Variants in ATP8A2 observed in about 807,000 individuals in gnomAD.
ATP8A2 encodes the protein phospholipid-transporting ATPase IB.
A neutral mutation model predicts 165.6 loss-of-function variants in ATP8A2; 100 were observed. The ratio of observed to expected loss-of-function variants is 0.60; its 90% CI spans 0.51 to 0.71. The LOEUF is 0.71. Ranked by LOEUF, ATP8A2 falls within the 30% of genes least tolerant of loss-of-function variation. The pLI is 0.00. For synonymous variants in ATP8A2, 543 were observed against 548.8 expected (o/e 0.99, Z 0.15); for missense variants, 1,227 against 1,479.5 (o/e 0.83, Z 2.80).
At chr13:25,653,020 T>C (rs553858254) in intron 24 of ATP8A2, among the ~76,000 whole-genome samples, 12 of 152,336 alleles carry the variant, frequency 7.9e-5, no homozygotes, top group African/African-American at 2.9e-4. Context: ...CATCTTCTGT[T>C]ACAGTGCTCT....
intron 33 of ATP8A2, among the ~76,000 whole-genome samples, chr13:25,940,383 A>G (rs1955038526): frequency 6.6e-6 from 1 of 151,276 alleles, no homozygotes; most frequent in Admixed American, 6.6e-5. Flanking sequence ...TCCTCTCCTC[A>G]CCCCAGGGCC....
rs191673903 is a variant in ATP8A2 at position 25,513,221 on chromosome 13, G to A, written c.222-16778G>A. 5.8e-3 allele frequency among the ~76,000 whole-genome samples: 880 copies of A among 151,362 alleles called. 8 individuals carry two copies. Among genetic ancestry groups the A allele is most frequent in the Middle Eastern group, 0.01 (3 of 288 alleles). ...TCAGACGGTGCGGTTGCCAGGTGGAGGGTCTCCTCACTTCTCAGACGGGGC... is the reference window on the plus strand; with the variant it reads ...TCAGACGGTGCGGTTGCCAGGTGGAAGGTCTCCTCACTTCTCAGACGGGGC... On this transcript the variant is annotated intron_variant, in intron 2 of 36. Transcript: ENST00000381655.
intron 36 of ATP8A2, among the ~76,000 whole-genome samples, chr13:26,014,619 G>A (rs1956925273): frequency 6.6e-6 from 1 of 151,958 alleles, no homozygotes; most frequent in Non-Finnish European, 1.5e-5. Context: ...AAGACCAGAA[G>A]GGTCATTTCT....
chr13:25,799,354 ACAGAACGAAGGT>A (rs1367831833), intron 27 of ATP8A2, among the ~76,000 whole-genome samples: 1 of 152,164 alleles, frequency 6.6e-6, no homozygotes, highest in Non-Finnish European at 1.5e-5. Flanking sequence ...CCTTTAAGAA[ACAGAACGAAGGT>A]CACAGTGATC....
chr13:25,885,440 T>C (rs1953115518), intron 33 of ATP8A2, among the ~76,000 whole-genome samples: 1 of 152,100 alleles, frequency 6.6e-6, no homozygotes, highest in African/African-American at 2.4e-5. Context: ...TAATGTCTCT[T>C]TTCCTGACCC....
chr13:25,510,140 G>C (rs1416063310), intron 2 of ATP8A2, among the ~76,000 whole-genome samples: 3 of 141,886 alleles, frequency 2.1e-5, no homozygotes. Context: ...TTCTCTCTCT[G>C]ACTCCCTGCC....
intron 1 of ATP8A2, among the ~76,000 whole-genome samples, chr13:25,423,844 T>C (rs552659889): frequency 2.6e-4 from 40 of 152,322 alleles, no homozygotes; most frequent in African/African-American, 9.1e-4. Context: ...GGAGGCTAAA[T>C]GTCTCCCTTT....
chr13:25,994,074 G>C (rs1325190753), intron 35 of ATP8A2, among the ~76,000 whole-genome samples: 1 of 151,998 alleles, frequency 6.6e-6, no homozygotes, highest in Non-Finnish European at 1.5e-5. Context: ...TTGCGCCTCA[G>C]TATTTCATAT....
At chr13:25,571,571 C>T in intron 17 of ATP8A2, 39 bp from the exon 18 acceptor site, 1 of 1,465,364 alleles carries the variant, frequency 6.8e-7, no homozygotes. Context: ...CTGTCACTAC[C>T]AGTGATATGT....
intron 28 of ATP8A2, among the ~76,000 whole-genome samples, chr13:25,833,204 A>G (rs1173885820): frequency 6.6e-6 from 1 of 152,114 alleles, no homozygotes; most frequent in African/African-American, 2.4e-5. Flanking sequence ...GTCTTATTGA[A>G]CAAATGGAAA....
chr13:25,888,913 T>C (rs1298895931), intron 33 of ATP8A2, among the ~76,000 whole-genome samples: 1 of 152,192 alleles, frequency 6.6e-6, no homozygotes, highest in African/African-American at 2.4e-5. Flanking sequence ...GGAAATTTTA[T>C]TGAAATCACT....
At chr13:25,437,613 G>T (rs575535012) in intron 1 of ATP8A2, among the ~76,000 whole-genome samples, 1 of 152,132 alleles carries the variant, frequency 6.6e-6, no homozygotes, top group Non-Finnish European at 1.5e-5. Flanking sequence ...AAGCTTTTCC[G>T]TGTATTGCTG....
chr13:25,974,321 T>G (rs927070627), intron 35 of ATP8A2, among the ~76,000 whole-genome samples: 3 of 152,088 alleles, frequency 2.0e-5, no homozygotes, highest in Admixed American at 2.0e-4. Flanking sequence ...CCATCTAACA[T>G]GTAAGCCTGG....
At chr13:25,414,796 A>G (rs1367737627) in intron 1 of ATP8A2, among the ~76,000 whole-genome samples, 3 of 152,236 alleles carry the variant, frequency 2.0e-5, no homozygotes, top group Admixed American at 6.5e-5. Flanking sequence ...TACCTAGTGT[A>G]TACTTCATTC....
chr13:25,889,407 A>G (rs1423281009), intron 33 of ATP8A2, among the ~76,000 whole-genome samples: 1 of 152,026 alleles, frequency 6.6e-6, no homozygotes. Flanking sequence ...TTTCTGAGCT[A>G]TAGAACTCTT....
chr13:25,831,218 T>TG (rs1308081179), intron 28 of ATP8A2, among the ~76,000 whole-genome samples: 1 of 147,192 alleles, frequency 6.8e-6, no homozygotes, highest in East Asian at 2.0e-4. Context: ...CTAATTTTCT[T>TG]TTTTTTTTTT....
chr13:25,575,440 T>A lies in ATP8A2; in HGVS notation c.1712+583T>A, dbSNP rs2039590511. ...TCATAGTTGGTTATAAGGAAACATA[T>A]CTTAATTTTTTGTTTCTTTGCCTCT... On this transcript the variant is annotated intron_variant, in intron 19 of 36. Coordinates refer to ENST00000381655, the MANE Select transcript of ATP8A2 (RefSeq NM_016529.6). Among the ~76,000 whole-genome samples, 7 of 152,344 alleles carry A rather than the reference T, an allele frequency of 4.6e-5. No individual in the cohort carries two copies. The South Asian group carries it at 1.4e-3, about 32-fold the overall frequency.
chr13:25,708,382 C>A (rs1362321638), intron 25 of ATP8A2, among the ~76,000 whole-genome samples: 1 of 152,184 alleles, frequency 6.6e-6, no homozygotes, highest in Admixed American at 6.5e-5. Context: ...TGTTAACTTT[C>A]ATCAGGAAAA....
intron 35 of ATP8A2, among the ~76,000 whole-genome samples, chr13:25,998,782 A>G (rs1303667082): frequency 6.6e-6 from 1 of 152,200 alleles, no homozygotes; most frequent in Non-Finnish European, 1.5e-5. Context: ...CTTGAACCCT[A>G]TGGTGTCTTC....
Sources: gnomAD v4.1 joint callset for allele counts (sites outside exome capture counted in the v4.1 genomes callset) on GRCh38, gnomAD v4.1.1 for gene constraint, MANE v1.5 for transcripts, NCBI Gene and HGNC (gene_info 2026-07-23, HGNC 2026-07-21) for gene names.